BZW1: variants seen among roughly 807,000 people sequenced by gnomAD.
BZW1 encodes the protein basic leucine zipper and W2 domains 1.
In BZW1, 3 loss-of-function variants were observed where a neutral mutation model predicts 54.1. The observed-to-expected ratio is 0.06, with a 90% confidence interval of 0.03 to 0.14. The LOEUF is 0.14. Ranked by LOEUF, BZW1 falls within the 10% of genes least tolerant of loss-of-function variation. BZW1 has a pLI of 1.00. For missense variants in BZW1, 206 were observed against 491.7 expected (o/e 0.42, Z 5.50); for synonymous variants, 152 against 162.7 (o/e 0.93, Z 0.50).
Position 200,822,400 on chromosome 2 carries a change from A to G in BZW1, c.*222A>G, listed in dbSNP as rs578097815. 2 of 427,040 alleles carry G rather than the reference A, an allele frequency of 4.7e-6. No individual in the cohort carries two copies. The highest frequency in any genetic ancestry group is 8.0e-6 in the Non-Finnish European group (2 of 250,192). 26.5% of individuals were successfully genotyped at this position (427,040 alleles called of 1,614,324 possible). Reference sequence around the variant, plus strand: ...CTACAGGAGCTATAGATTTGAATCTAATGTTGCATTAGTCTTTTCAGTTAT... The same window carrying G: ...CTACAGGAGCTATAGATTTGAATCTGATGTTGCATTAGTCTTTTCAGTTAT... On this transcript the variant is annotated 3_prime_UTR_variant, in exon 12 of 12. Transcript: ENST00000409600.
At chr2:200,812,815 A>G (rs1575045942) in intron 1 of BZW1, 3 of 679,914 alleles carry the variant, frequency 4.4e-6, no homozygotes, top group Admixed American at 4.1e-5. Flanking sequence ...TGGCATACAC[A>G]TTTTGGATGC....
At chr2:200,817,021 C>T (rs971700437) in intron 5 of BZW1, 85 bp from the exon 6 acceptor site, 2 of 1,476,472 alleles carry the variant, frequency 1.4e-6, no homozygotes, top group Non-Finnish European at 1.8e-6. Flanking sequence ...ACGTATTGAA[C>T]AGGTAGCCAG....
rs2038664429 is a variant in BZW1 at position 200,825,324 on chromosome 2, C to T, written c.*3146C>T. ...CTGCCTGCCTTGGCCTCCCAAAGTG[C>T]TGGGATTACAGGCGTGAGCCACCAT... On this transcript the variant is annotated 3_prime_UTR_variant, in exon 12 of 12. Coordinates refer to ENST00000409600, the MANE Select transcript of BZW1 (RefSeq NM_001207067.2). 1 of 152,224 alleles carries T rather than the reference C, an allele frequency of 6.6e-6. No homozygotes were observed. The highest frequency in any genetic ancestry group is 6.5e-5 in the Admixed American group (1 of 15,284). 9.4% of individuals were successfully genotyped at this position (152,224 alleles called of 1,614,324 possible).
chr2:200,817,938 A>G, intron 6 of BZW1, 36 bp from the exon 7 acceptor site: 1 of 1,394,268 alleles, frequency 7.2e-7, no homozygotes, highest in Non-Finnish European at 9.9e-7. Context: ...AAACCAGGGA[A>G]GGTACTTCTG....
At chr2:200,814,417 G>A (rs538832929) in intron 2 of BZW1, among the ~76,000 whole-genome samples, 2 of 152,154 alleles carry the variant, frequency 1.3e-5, no homozygotes, top group South Asian at 4.1e-4. Context: ...CTAAAACCAG[G>A]AAAGTGCTGG....
chr2:200,815,604 C>T, intron 3 of BZW1, 63 bp from the exon 4 acceptor site: 1 of 1,590,506 alleles, frequency 6.3e-7, no homozygotes, highest in Non-Finnish European at 8.6e-7. Flanking sequence ...AACTATTTGG[C>T]AAACTTGTTA....
At chr2:200,817,543 G>A (rs1008019719) in intron 6 of BZW1, among the ~76,000 whole-genome samples, 3 of 152,134 alleles carry the variant, frequency 2.0e-5, no homozygotes, top group African/African-American at 7.2e-5. Flanking sequence ...GAGACTTGGA[G>A]AAGATGACGT....
At chr2:200,813,987 C>T (rs1010215430) in intron 2 of BZW1, among the ~76,000 whole-genome samples, 3 of 152,076 alleles carry the variant, frequency 2.0e-5, no homozygotes, top group Non-Finnish European at 4.4e-5. Flanking sequence ...CTTTTTCTTC[C>T]TTAAGTAGCA....
chr2:200,825,616 T>C lies in BZW1; in HGVS notation c.*3438T>C, dbSNP rs1559317975. 2.6e-5 allele frequency: 4 copies of C among 152,230 alleles called. No homozygotes were observed. Among genetic ancestry groups the C allele is most frequent in the African/African-American group, 7.2e-5 (3 of 41,472 alleles). 9.4% of individuals were successfully genotyped at this position (152,230 alleles called of 1,614,324 possible). A position where few individuals can be genotyped will look rare whatever the true frequency, so the allele number is the denominator to read the frequency against. On this transcript the variant is annotated 3_prime_UTR_variant, in exon 12 of 12. Transcript: ENST00000409600. The stretch of plus-strand genomic sequence containing the variant: ...CAGACAAAGCATTTCCTGCTGTCTT[T>C]CAAGGTCTTAACAGATTCTTTCTTG...
In BZW1 at chr2:200,815,668, C is replaced by A; in HGVS notation, c.243C>A (p.Ala81=). The stretch of plus-strand genomic sequence containing the variant: ...TATTTTGGTTTTATCCAACTTTAGC[C>A]CCAGGTGGTACACTGGCAGATGACA... ...FDILVAGGML[A]PGGTLADDMM... The change falls in exon 4 of 12, where the codon GCC becomes GCA. Residue 81 remains alanine, a splice_region_variant and synonymous_variant. Transcript: ENST00000409600. 6.3e-7 allele frequency: 1 copy of A among 1,591,938 alleles called. No homozygotes were observed. The highest frequency in any genetic ancestry group is 2.3e-5 in the East Asian group (1 of 44,144).
At chr2:200,813,330 G>A (rs1300437924) in intron 2 of BZW1, 49 bp downstream of exon 2, 1 of 1,513,682 alleles carries the variant, frequency 6.6e-7, no homozygotes, top group East Asian at 2.3e-5. Flanking sequence ...AGAACATCTT[G>A]TGTATCTTGC....
chr2:200,812,532 G>T, intron 1 of BZW1: 1 of 1,393,274 alleles, frequency 7.2e-7, no homozygotes, highest in Middle Eastern at 2.4e-4. Context: ...ACGGCGCCCC[G>T]CTGTGGCCGA....
chr2:200,817,571 C>G (rs1027092282), intron 6 of BZW1, among the ~76,000 whole-genome samples: 9 of 151,906 alleles, frequency 5.9e-5, no homozygotes, highest in African/African-American at 2.2e-4. Flanking sequence ...AAATGTCAAG[C>G]TGGAAGGGAA....
Position 200,812,653 on chromosome 2 carries a change from C to T in BZW1, c.-10-555C>T, listed in dbSNP as rs531951822. 12 of 1,196,704 alleles carry T rather than the reference C, an allele frequency of 1.0e-5. No individual in the cohort carries two copies. In the Admixed American group the frequency reaches 1.7e-4, roughly 17 times the overall value. 74.1% of individuals were successfully genotyped at this position (1,196,704 alleles called of 1,614,324 possible). ...GGAGGCTAGGACTGTGGGATATGGG[C>T]GAAGGAGGCTGGGCTGGCTGTTAGT... On this transcript the variant is annotated intron_variant, in intron 1 of 11. Transcript: ENST00000409600.
rs2038366143 is a variant in BZW1, at chr2:200,818,243, G to A, written c.669G>A (p.Lys223=). The A allele has an allele frequency of 9.5e-6, 15 of 1,584,776 alleles. No homozygotes were observed. Among genetic ancestry groups the A allele is most frequent in the African/African-American group, 1.4e-5 (1 of 73,442 alleles). The change falls in exon 8 of 12, where the codon AAG becomes AAA. Residue 223 remains lysine (K), a synonymous_variant. Coordinates refer to ENST00000409600, the MANE Select transcript of BZW1 (RefSeq NM_001207067.2). The part of the protein sequence containing the change: ...NRLMELFPAN[K]QSVEHFTKYF... ...TTTAGGAACTCTTTCCTGCCAATAA[G>A]CAAAGTGTTGAACACTTCACAAAAT...
intron 1 of BZW1, chr2:200,812,279 A>G (rs2038096803): frequency 3.2e-5 from 39 of 1,232,244 alleles, no homozygotes; most frequent in Non-Finnish European, 3.4e-5. Context: ...CGGCCTGGCT[A>G]ACAAAGCCGC....
At position 200,825,695 on chromosome 2, in the gene BZW1, T is replaced by C. The variant is rs2038672688; in HGVS notation, c.*3517T>C. ...TTTGGGTTCTTTCTATAAAAATCAG[T>C]GAAAATCCTCTAGATGAATGAATTA... On this transcript the variant is annotated 3_prime_UTR_variant, in exon 12 of 12. Coordinates refer to ENST00000409600, the MANE Select transcript of BZW1 (RefSeq NM_001207067.2). The C allele has an allele frequency of 6.6e-6, 1 of 152,210 alleles. No individual in the cohort carries two copies. Among genetic ancestry groups the C allele is most frequent in the Non-Finnish European group, 1.5e-5 (1 of 68,034 alleles). The allele number at this position is 152,210 out of a possible 1,614,324, so 9.4% of individuals were successfully genotyped here. A position where few individuals can be genotyped will look rare whatever the true frequency, so the allele number is the denominator to read the frequency against.
At chr2:200,820,614 C>T (rs1280457070) in intron 10 of BZW1, among the ~76,000 whole-genome samples, 1 of 151,956 alleles carries the variant, frequency 6.6e-6, no homozygotes, top group Non-Finnish European at 1.5e-5. Flanking sequence ...CCTAGGAGGT[C>T]AAGGCTGCAG....
intron 10 of BZW1, 107 bp from the exon 11 acceptor site, chr2:200,821,076 C>T (rs2038490709): frequency 5.2e-6 from 7 of 1,353,346 alleles, no homozygotes; most frequent in Non-Finnish European, 7.1e-6. Flanking sequence ...ATGTTTTTAG[C>T]TTTTCAGCAG....
Sources: allele counts gnomAD v4.1 joint callset (sites outside exome capture counted in the v4.1 genomes callset), GRCh38; gene constraint gnomAD v4.1.1; transcripts MANE v1.5; gene names NCBI Gene and HGNC (gene_info 2026-07-23, HGNC 2026-07-21).